Variants in UNC80 observed in about 807,000 individuals in gnomAD.
The protein encoded by UNC80 is unc-80 subunit of NALCN channel complex.
In UNC80, 164 loss-of-function variants were observed where a neutral mutation model predicts 384.6. The observed-to-expected ratio is 0.43, with a 90% CI of 0.38 to 0.49. The LOEUF (loss-of-function observed/expected upper bound fraction) is 0.49, where lower values mean the gene tolerates loss of function less well. UNC80 is among the 20% of genes least tolerant of loss of function. The pLI is 0.00. For missense variants in UNC80, 3,330 were observed against 4,143.0 expected (o/e 0.80, Z 5.39); for synonymous variants, 1,486 against 1,527.8 (o/e 0.97, Z 0.64).
chr2:209,886,069 T>G (rs1292553517), intron 25 of UNC80, among the ~76,000 whole-genome samples: 1 of 152,018 alleles, frequency 6.6e-6, no homozygotes, highest in East Asian at 1.9e-4. Context: ...AGCCTAAAAT[T>G]TTATCTTATT....
intron 56 of UNC80, among the ~76,000 whole-genome samples, chr2:209,973,612 A>G (rs138635215): frequency 1.3e-5 from 2 of 152,358 alleles, no homozygotes; most frequent in African/African-American, 4.8e-5. Context: ...TAAGGAAGGC[A>G]TCTGCAGTAA....
chr2:209,899,216 T>C (rs2087119046), intron 28 of UNC80, among the ~76,000 whole-genome samples: 1 of 152,186 alleles, frequency 6.6e-6, no homozygotes. Flanking sequence ...AAAAAAATTA[T>C]AGAGGTGCAG....
intron 13 of UNC80, among the ~76,000 whole-genome samples, chr2:209,824,109 CATT>C (rs2080333765): frequency 6.6e-6 from 1 of 152,132 alleles, no homozygotes. Context: ...ATTCCCATCT[CATT>C]ATATATATGC....
chr2:209,908,148 G>A lies in UNC80; in HGVS notation c.4782+3183G>A, dbSNP rs140423170. The stretch of plus-strand genomic sequence containing the variant: ...TGTGAATCTGCCAGATAAATGAACA[G>A]TGCCCACATTTCCAGATGAAAAATG... On this transcript the variant is annotated intron_variant, in intron 29 of 64. Transcript: ENST00000673920. 1.7e-3 allele frequency among the ~76,000 whole-genome samples: 263 copies of A among 152,320 alleles called. 2 individuals are homozygous for A. Among genetic ancestry groups the A allele is most frequent in the African/African-American group, 6.1e-3 (252 of 41,554 alleles).
rs530266739 is a variant in UNC80 at position 209,775,934 on chromosome 2, C to A, written c.187C>A (p.Pro63Thr). The A allele has an allele frequency of 6.2e-7, 1 of 1,614,124 alleles. No homozygotes were observed. The highest frequency in any genetic ancestry group is 2.2e-5 in the East Asian group (1 of 44,886). ...AGAAAACAAGCTGCATGGCCTCTCT[C>A]CAGCTCTCTCTGAAGCCATCCAGAG... is the stretch of plus-strand genomic sequence containing the variant. Reference protein sequence around the residue: ...LVENKLHGLSPALSEAIQSIS... With the variant: ...LVENKLHGLSTALSEAIQSIS... Residue 63 changes from proline to threonine, a missense_variant, in exon 3 of 65, where the codon CCA becomes ACA. Physicochemically the swap from Pro to Thr is conservative, Grantham distance 38. Coordinates refer to ENST00000673920, the MANE Select transcript of UNC80 (RefSeq NM_001371986.1).
intron 48 of UNC80, chr2:209,954,561 C>G (rs1348848449): frequency 4.6e-6 from 1 of 217,670 alleles, no homozygotes; most frequent in Non-Finnish European, 8.9e-6. Flanking sequence ...GCAGTTATAA[C>G]CCAGTGGTAA....
At chr2:209,932,806 T>G (rs577244598) in intron 38 of UNC80, among the ~76,000 whole-genome samples, 1 of 152,334 alleles carries the variant, frequency 6.6e-6, no homozygotes, top group South Asian at 2.1e-4. Flanking sequence ...TTCTATGTTA[T>G]TAGTAGTTTT....
At chr2:209,838,256 C>T (rs1055954488) in intron 18 of UNC80, among the ~76,000 whole-genome samples, 5 of 145,064 alleles carry the variant, frequency 3.4e-5, no homozygotes, top group African/African-American at 1.2e-4. Context: ...TCTCTCCTCC[C>T]CACCCCCCAC....
At chr2:209,986,505 A>G (rs1194670899) in intron 61 of UNC80, among the ~76,000 whole-genome samples, 1 of 152,208 alleles carries the variant, frequency 6.6e-6, no homozygotes, top group Non-Finnish European at 1.5e-5. Context: ...GTCAATGGAA[A>G]TATACACAAA....
intron 28 of UNC80, among the ~76,000 whole-genome samples, chr2:209,902,365 A>G (rs747657540): frequency 6.6e-6 from 1 of 152,234 alleles, no homozygotes; most frequent in Non-Finnish European, 1.5e-5. Flanking sequence ...TATTGCAATG[A>G]CAACAGATAA....
chr2:209,793,573 G>T lies in UNC80; in HGVS notation c.799-147G>T, dbSNP rs546217782. ...CCTGAGATGAAGTCAAAATCCCTTG[G>T]CCCATAATATCATAATTAACTATAG... is the stretch of plus-strand genomic sequence containing the variant. On this transcript the variant is annotated intron_variant, in intron 6 of 64. Transcript: ENST00000673920. 1.6e-5 allele frequency: 14 copies of T among 849,538 alleles called. No individual in the cohort carries two copies. The East Asian group carries it at 3.8e-4, about 23-fold the overall frequency. The allele number at this position is 849,538 out of a possible 1,614,324, so 52.6% of individuals were successfully genotyped here.
chr2:209,897,535 C>CA (rs1213005665), intron 28 of UNC80, among the ~76,000 whole-genome samples: 1 of 152,090 alleles, frequency 6.6e-6, no homozygotes, highest in Non-Finnish European at 1.5e-5. Context: ...TGGCTAGACT[C>CA]ACATCCATTT....
At chr2:209,979,953 A>G (rs565216519) in intron 59 of UNC80, among the ~76,000 whole-genome samples, 16 of 152,350 alleles carry the variant, frequency 1.1e-4, no homozygotes, top group Admixed American at 7.2e-4. Context: ...AACAGTTGGG[A>G]ATGTAAGAGA....
intron 52 of UNC80, chr2:209,969,565 C>T (rs990953027): frequency 2.9e-5 from 17 of 584,976 alleles, no homozygotes; most frequent in East Asian, 1.2e-4. Context: ...TAGATTTAGT[C>T]GAGTGGGGCA....
chr2:209,810,436 G>C (rs2079256447), intron 7 of UNC80, among the ~76,000 whole-genome samples: 1 of 152,202 alleles, frequency 6.6e-6, no homozygotes, highest in Admixed American at 6.5e-5. Flanking sequence ...TTTAAAAAGA[G>C]TATTCAAGGA....
intron 12 of UNC80, 94 bp downstream of exon 12, chr2:209,819,355 TAGAA>T: frequency 7.7e-7 from 1 of 1,297,708 alleles, no homozygotes; most frequent in Non-Finnish European, 1.0e-6. Flanking sequence ...TATAGATTCT[TAGAA>T]ATATCAAACC....
chr2:209,888,267 A>G lies in UNC80; in HGVS notation c.4276+7A>G, dbSNP rs929896106. ...GGAGTCGAGGAGAAGAAAGGTATGG[A>G]AACACAAAGGTTCCTTCATGTTTCA... On this transcript the variant is annotated splice_region_variant and intron_variant, in intron 26 of 64. Transcript: ENST00000673920. The G allele has an allele frequency of 1.9e-6, 3 of 1,551,434 alleles. No homozygotes were observed. Among genetic ancestry groups the G allele is most frequent in the Admixed American group, 2.0e-5 (1 of 50,970 alleles).
rs1193450930 is a variant in UNC80 at position 209,826,054 on chromosome 2, G to A, written c.2478+1G>A. 3 of 1,547,166 alleles carry A rather than the reference G, an allele frequency of 1.9e-6. No homozygotes were observed. Among genetic ancestry groups the A allele is most frequent in the Admixed American group, 2.0e-5 (1 of 50,154 alleles). Reference sequence around the variant, plus strand: ...GAGACACCAGGTATTCCGAGAGAATGTAAGAGAATTAAAGTAGATTCCATT... The same window carrying A: ...GAGACACCAGGTATTCCGAGAGAATATAAGAGAATTAAAGTAGATTCCATT... On this transcript the variant is annotated splice_donor_variant, in intron 14 of 64. Transcript: ENST00000673920. LOFTEE classifies it high-confidence loss of function.
intron 29 of UNC80, among the ~76,000 whole-genome samples, chr2:209,910,356 T>C (rs1275660453): frequency 1.3e-5 from 2 of 151,938 alleles, no homozygotes; most frequent in African/African-American, 2.4e-5. Context: ...ATAGAGGGAC[T>C]TTAAGACCTT....
Sources: allele counts gnomAD v4.1 joint callset (sites outside exome capture counted in the v4.1 genomes callset), GRCh38; gene constraint gnomAD v4.1.1; transcripts MANE v1.5; gene names NCBI Gene and HGNC (gene_info 2026-07-23, HGNC 2026-07-21).